NUTF2: variants seen among roughly 807,000 people sequenced by gnomAD.
NUTF2 encodes the protein nuclear transport factor 2.
In NUTF2, 3 loss-of-function variants were observed where a neutral mutation model predicts 18.5. The observed-to-expected ratio is 0.16, with a 90% confidence interval of 0.07 to 0.42. The LOEUF (loss-of-function observed/expected upper bound fraction) is 0.42. NUTF2 is among the 10% of genes least tolerant of loss of function. The probability of loss-of-function intolerance (pLI) is 0.99; values close to 1 mark genes in which losing one functional copy is unlikely to be tolerated. For synonymous variants in NUTF2, 51 were observed against 57.9 expected (o/e 0.88, Z 0.54); for missense variants, 44 against 160.7 (o/e 0.27, Z 3.93).
chr16:67,863,363 A>G (rs1231250692), intron 1 of NUTF2, among the ~76,000 whole-genome samples: 1 of 152,004 alleles, frequency 6.6e-6, no homozygotes, highest in Non-Finnish European at 1.5e-5. Context: ...ACTACCTCCT[A>G]GGGGACCTAA....
chr16:67,861,964 G>A (rs1248308363), intron 1 of NUTF2, among the ~76,000 whole-genome samples: 2 of 152,064 alleles, frequency 1.3e-5, no homozygotes, highest in Non-Finnish European at 2.9e-5. Flanking sequence ...GGGATCGCAG[G>A]AGGGGACTTT....
At position 67,871,018 on chromosome 16, in the gene NUTF2, C is replaced by G; in HGVS notation, c.*105C>G. 1.2e-6 allele frequency: 1 copy of G among 858,480 alleles called. No homozygotes were observed. Among genetic ancestry groups the G allele is most frequent in the South Asian group, 1.5e-5 (1 of 64,962 alleles). The allele number at this position is 858,480 out of a possible 1,614,324, so 53.2% of individuals were successfully genotyped here. ...AATATCATGCACAAATGAGCAGGGC[C>G]GCGGTGGGAGTGGGCGCAGTGCGCT... On this transcript the variant is annotated 3_prime_UTR_variant, in exon 5 of 5. Transcript: ENST00000219169.
At chr16:67,856,030 C>T (rs2151296145) in intron 1 of NUTF2, 2 of 863,238 alleles carry the variant, frequency 2.3e-6, no homozygotes, top group Non-Finnish European at 3.9e-6. Context: ...CTGTCTTGCT[C>T]AGGGGCCGGC....
At chr16:67,848,286 TAAA>T (rs1280704915) in intron 1 of NUTF2, among the ~76,000 whole-genome samples, 1 of 152,092 alleles carries the variant, frequency 6.6e-6, no homozygotes. Context: ...TTCCAGAGAC[TAAA>T]GAAGTAGCTC....
chr16:67,859,190 T>C (rs1292064462), intron 1 of NUTF2, among the ~76,000 whole-genome samples: 3 of 151,954 alleles, frequency 2.0e-5, no homozygotes, highest in African/African-American at 7.3e-5. Context: ...TGTTTTTGTT[T>C]GTTTGTTGAG....
In NUTF2 at chr16:67,865,126, C is replaced by G. The variant is rs1163170691; in HGVS notation, c.-5C>G. ...GGTCTCCGTGAGGCCGGGTGACGCT[C>G]CAGAATGGGAGACAAGCCAATTTGG... is the stretch of plus-strand genomic sequence containing the variant. On this transcript the variant is annotated 5_prime_UTR_variant, in exon 2 of 5. Transcript: ENST00000219169. 1.9e-6 allele frequency: 3 copies of G among 1,608,320 alleles called. No homozygotes were observed. In the South Asian group the frequency reaches 3.3e-5, roughly 18 times the overall value.
rs1391672014 is a variant in NUTF2 at position 67,872,000 on chromosome 16, AT to A, written c.*1089del. The stretch of plus-strand genomic sequence containing the variant: ...CTCACCCCTCAGACTGCTGCAGGAC[AT>A]TGCCAGGCCTCTCTCCACTTCCTTC... On this transcript the variant is annotated 3_prime_UTR_variant, in exon 5 of 5. Coordinates refer to ENST00000219169, the MANE Select transcript of NUTF2 (RefSeq NM_005796.3). 6.6e-6 allele frequency: 1 copy of A among 152,316 alleles called. No homozygotes were observed. The highest frequency in any genetic ancestry group is 2.4e-5 in the African/African-American group (1 of 41,434). 9.4% of individuals were successfully genotyped at this position (152,316 alleles called of 1,614,324 possible).
intron 1 of NUTF2, among the ~76,000 whole-genome samples, chr16:67,857,804 C>G (rs192694761): frequency 6.6e-6 from 1 of 152,334 alleles, no homozygotes; most frequent in African/African-American, 2.4e-5. Flanking sequence ...GCCCCAATTG[C>G]CACATGCCAT....
chr16:67,867,030 C>A (rs1186342566), intron 2 of NUTF2, among the ~76,000 whole-genome samples: 1 of 150,954 alleles, frequency 6.6e-6, no homozygotes, highest in Non-Finnish European at 1.5e-5. Context: ...GGAGTGCATT[C>A]ATGCGATTTT....
chr16:67,855,319 G>C (rs1336145159), intron 1 of NUTF2, among the ~76,000 whole-genome samples: 1 of 152,232 alleles, frequency 6.6e-6, no homozygotes, highest in African/African-American at 2.4e-5. Flanking sequence ...GTGTCTTAGT[G>C]GCCAAGGGAG....
chr16:67,866,780 G>C (rs998278467), intron 2 of NUTF2, among the ~76,000 whole-genome samples: 5 of 151,430 alleles, frequency 3.3e-5, no homozygotes, highest in African/African-American at 7.3e-5. Flanking sequence ...CCTAATTTTT[G>C]TATTTTTAGT....
intron 4 of NUTF2, 61 bp from the exon 5 acceptor site, chr16:67,870,739 C>T (rs2058005451): frequency 1.4e-6 from 2 of 1,379,336 alleles, no homozygotes; most frequent in Admixed American, 3.4e-5. Flanking sequence ...TCTTCTCCTA[C>T]CACTGAATTC....
chr16:67,865,488 G>C (rs555193009), intron 2 of NUTF2, among the ~76,000 whole-genome samples: 78 of 152,272 alleles, frequency 5.1e-4, no homozygotes, highest in Middle Eastern at 6.8e-3. Context: ...ATTTGTCATG[G>C]CACATGGTTT....
chr16:67,868,469 G>C (rs991239617), intron 3 of NUTF2, 32 bp from the exon 4 acceptor site: 2 of 1,613,710 alleles, frequency 1.2e-6, no homozygotes, highest in Non-Finnish European at 1.7e-6. Flanking sequence ...TTCTGGCCTT[G>C]GTTCTCCCAC....
intron 1 of NUTF2, among the ~76,000 whole-genome samples, chr16:67,850,658 C>T (rs1567378379): frequency 6.6e-6 from 1 of 152,188 alleles, no homozygotes. Context: ...TCTGCATCCT[C>T]TATTCATGTA....
intron 1 of NUTF2, among the ~76,000 whole-genome samples, chr16:67,860,506 A>G (rs1202143490): frequency 6.6e-6 from 1 of 151,380 alleles, no homozygotes; most frequent in African/African-American, 2.4e-5. Context: ...CCTGGACTCA[A>G]GTGATCCTCC....
chr16:67,868,603 A>T lies in NUTF2; in HGVS notation c.270+4A>T. The T allele has an allele frequency of 6.2e-7, 1 of 1,613,116 alleles. No homozygotes were observed. Among genetic ancestry groups the T allele is most frequent in the Non-Finnish European group, 8.5e-7 (1 of 1,179,434 alleles). ...CATGGTTGTGGGCCAGCTTAAGGTA[A>T]TGGTACTGCCACAGTGGTAGGGAGG... On this transcript the variant is annotated splice_donor_region_variant and intron_variant, in intron 4 of 4. Coordinates refer to ENST00000219169, the MANE Select transcript of NUTF2 (RefSeq NM_005796.3).
chr16:67,869,245 A>C (rs2057995474), intron 4 of NUTF2, among the ~76,000 whole-genome samples: 1 of 151,656 alleles, frequency 6.6e-6, no homozygotes, highest in Non-Finnish European at 1.5e-5. Flanking sequence ...CACCACACCC[A>C]GATAATTTTT....
chr16:67,857,960 C>T (rs573311138), intron 1 of NUTF2, among the ~76,000 whole-genome samples: 2 of 152,354 alleles, frequency 1.3e-5, no homozygotes, highest in East Asian at 3.9e-4. Flanking sequence ...GCTGGCCTCT[C>T]AGCCCAGGCT....
Sources: gnomAD v4.1 joint callset for allele counts (sites outside exome capture counted in the v4.1 genomes callset) on GRCh38, gnomAD v4.1.1 for gene constraint, MANE v1.5 for transcripts, NCBI Gene and HGNC (gene_info 2026-07-23, HGNC 2026-07-21) for gene names.